The following TTBK1 variants were observed in gnomAD, a reference collection of about 807,000 sequenced individuals.
TTBK1 encodes the protein tau tubulin kinase 1, also known as tau-tubulin kinase 1.
TTBK1 carries 34 observed loss-of-function variants against 108.5 expected under a neutral mutation model. That is an observed-to-expected ratio of 0.31 (90% confidence interval 0.24 to 0.42). TTBK1 has a LOEUF of 0.42. Ranked by LOEUF, TTBK1 falls within the 10% of genes least tolerant of loss-of-function variation. The probability of loss-of-function intolerance (pLI) is 1.00; values close to 1 mark genes in which losing one functional copy is unlikely to be tolerated. For missense variants in TTBK1, 1,539 were observed against 1,826.0 expected, an observed-to-expected ratio of 0.84 and a Z score of 2.86; for synonymous variants, 809 against 795.1, an observed-to-expected ratio of 1.02 and a Z score of -0.29.
chr6:43,247,018 C>T (rs781692407), intron 2 of TTBK1, among the ~76,000 whole-genome samples: 1 of 152,154 alleles, frequency 6.6e-6, no homozygotes, highest in Non-Finnish European at 1.5e-5. Context: ...CAGGCCAAGC[C>T]CGGAACAACT....
rs925372719 is a variant in TTBK1, at chr6:43,269,578, G to C, written c.1986+6228G>C. On this transcript the variant is annotated intron_variant, in intron 13 of 14. Transcript: ENST00000259750. The surrounding 1 kb of genome is among the most constrained non-coding windows in gnomAD (Gnocchi z 4.8). ...GGGGCTGTGAGCGGTGGGTGGCCCC[G>C]GAGACGGAGCTGTCGAGTCTGTGCC... The C allele has an allele frequency of 3.4e-6, 5 of 1,490,206 alleles. No individual in the cohort carries two copies. Among genetic ancestry groups the C allele is most frequent in the Non-Finnish European group, 4.5e-6 (5 of 1,117,684 alleles). 92.3% of individuals were successfully genotyped at this position (1,490,206 alleles called of 1,614,324 possible). A position where few individuals can be genotyped will look rare whatever the true frequency, so the allele number is the denominator to read the frequency against.
intron 13 of TTBK1, among the ~76,000 whole-genome samples, chr6:43,279,027 G>T (rs1356084884): frequency 6.6e-6 from 1 of 152,164 alleles, no homozygotes; most frequent in Non-Finnish European, 1.5e-5. Flanking sequence ...AAGAGTTTTG[G>T]GTCCTGGGCC....
rs1777661945 is a variant in TTBK1 at position 43,265,821 on chromosome 6, C to T, written c.1986+2471C>T. Among the ~76,000 whole-genome samples the T allele has an allele frequency of 6.6e-6, 1 of 152,114 alleles. No homozygotes were observed. The highest frequency in any genetic ancestry group is 6.5e-5 in the Admixed American group (1 of 15,274). On this transcript the variant is annotated intron_variant, in intron 13 of 14. Coordinates refer to ENST00000259750, the MANE Select transcript of TTBK1 (RefSeq NM_032538.3). The surrounding 1 kb of genome is among the most constrained non-coding windows in gnomAD (Gnocchi z 4.1). ...TGGACCTGGCTCTGCCGTTCCCTTCCCAGTGACTGAGGGCCAGTCAGTGTC... is the reference window on the plus strand; with the variant it reads ...TGGACCTGGCTCTGCCGTTCCCTTCTCAGTGACTGAGGGCCAGTCAGTGTC...
Position 43,246,625 on chromosome 6 carries a change from G to T in TTBK1, c.-36G>T, listed in dbSNP as rs1777093401. On this transcript the variant is annotated 5_prime_UTR_variant, in exon 2 of 15. Coordinates refer to ENST00000259750, the MANE Select transcript of TTBK1 (RefSeq NM_032538.3). ...CCCCTAGGTAGATGGCCCCCTCAGG[G>T]CAGGCCCGGCGGACACCCCTCCCTC... The T allele has an allele frequency of 6.4e-7, 1 of 1,552,502 alleles. No individual in the cohort carries two copies. The highest frequency in any genetic ancestry group is 8.8e-7 in the Non-Finnish European group (1 of 1,140,366).
chr6:43,278,187 C>A (rs1187882097), intron 13 of TTBK1, among the ~76,000 whole-genome samples: 2 of 152,200 alleles, frequency 1.3e-5, no homozygotes, highest in Non-Finnish European at 2.9e-5. Flanking sequence ...TCCCCAAGGG[C>A]ATGAGAGCCC....
Position 43,269,985 on chromosome 6 carries a change from G to C in TTBK1, c.1986+6635G>C, listed in dbSNP as rs1052972435. The C allele has an allele frequency of 1.2e-5, 17 of 1,425,420 alleles. No individual in the cohort carries two copies. The highest frequency in any genetic ancestry group is 7.7e-5 in the East Asian group (3 of 38,996). 88.3% of individuals were successfully genotyped at this position (1,425,420 alleles called of 1,614,324 possible). ...CCCCCCCTCCTGGAGGGGGCAGGTG[G>C]GGGGGGGTGGGGAGCAGGCAGAGGA... On this transcript the variant is annotated intron_variant, in intron 13 of 14. Coordinates refer to ENST00000259750, the MANE Select transcript of TTBK1 (RefSeq NM_032538.3). The surrounding 1 kb of genome is among the most constrained non-coding windows in gnomAD (Gnocchi z 4.8).
chr6:43,275,896 AG>A (rs1777971125), intron 13 of TTBK1, among the ~76,000 whole-genome samples: 1 of 151,396 alleles, frequency 6.6e-6, no homozygotes, highest in Non-Finnish European at 1.5e-5. Context: ...TCCGTGGGGG[AG>A]GGGGCGGGGC....
chr6:43,279,276 T>C (rs561868134), intron 13 of TTBK1, among the ~76,000 whole-genome samples: 14 of 152,260 alleles, frequency 9.2e-5, no homozygotes, highest in African/African-American at 3.4e-4. Flanking sequence ...ATGGGGCCTT[T>C]TCAGAGAGAT....
chr6:43,279,168 A>G (rs577092430), intron 13 of TTBK1, among the ~76,000 whole-genome samples: 2 of 152,184 alleles, frequency 1.3e-5, no homozygotes, highest in East Asian at 3.9e-4. Context: ...CTCCCAGGTA[A>G]TAGGAGGGGA....
In TTBK1 at chr6:43,258,967, G is replaced by C. The variant is rs1535385; in HGVS notation, c.1017-71G>C. On this transcript the variant is annotated intron_variant, in intron 10 of 14. Coordinates refer to ENST00000259750, the MANE Select transcript of TTBK1 (RefSeq NM_032538.3). ...GGGGGTGGTCTCCAGGTCTGTGCTG[G>C]TAGGAGAGGGCCATGGAAGGAGAGG... 4,092 of 1,208,894 alleles carry C rather than the reference G, an allele frequency of 3.4e-3. 97 individuals carry two copies. In the African/African-American group the frequency reaches 0.052, roughly 15 times the overall value. 74.9% of individuals were successfully genotyped at this position (1,208,894 alleles called of 1,614,324 possible).
intron 13 of TTBK1, among the ~76,000 whole-genome samples, chr6:43,280,636 C>T (rs1778130421): frequency 6.6e-6 from 1 of 152,052 alleles, no homozygotes; most frequent in Non-Finnish European, 1.5e-5. Context: ...ATGAAGAAAC[C>T]CTCAGGGATC....
intron 1 of TTBK1, among the ~76,000 whole-genome samples, chr6:43,244,200 C>T (rs1453842044): frequency 6.6e-6 from 1 of 151,892 alleles, no homozygotes; most frequent in Admixed American, 6.6e-5. Flanking sequence ...CTGATCCTGT[C>T]GCTCCTCATC....
chr6:43,269,546 C>A lies in TTBK1; in HGVS notation c.1986+6196C>A. The A allele has an allele frequency of 7.4e-7, 1 of 1,350,766 alleles. No individual in the cohort carries two copies. The allele number at this position is 1,350,766 out of a possible 1,614,324, so 83.7% of individuals were successfully genotyped here. On this transcript the variant is annotated intron_variant, in intron 13 of 14. Coordinates refer to ENST00000259750, the MANE Select transcript of TTBK1 (RefSeq NM_032538.3). This position sits in a 1 kb window ranked among gnomAD's most constrained non-coding sequence, Gnocchi z 4.8. Reference sequence around the variant, plus strand: ...CCCGCCCACTTGCCCGGGACGCCGGCGCCGCAGGGGCTGTGAGCGGTGGGT... The same window carrying A: ...CCCGCCCACTTGCCCGGGACGCCGGAGCCGCAGGGGCTGTGAGCGGTGGGT...
At chr6:43,275,805 C>T (rs1340528562) in intron 13 of TTBK1, among the ~76,000 whole-genome samples, 1 of 151,924 alleles carries the variant, frequency 6.6e-6, no homozygotes, top group East Asian at 1.9e-4. Flanking sequence ...CACACCCCCA[C>T]CCCCGAAAAT....
chr6:43,255,166 G>A (rs762438107), intron 7 of TTBK1, 52 bp downstream of exon 7: 10 of 1,462,980 alleles, frequency 6.8e-6, no homozygotes, highest in South Asian at 2.3e-5. Flanking sequence ...GGGCAAGGTC[G>A]GGGTGCAGTG....
chr6:43,253,440 T>C lies in TTBK1; in HGVS notation c.330+76T>C. On this transcript the variant is annotated intron_variant, in intron 4 of 14. Transcript: ENST00000259750. The surrounding 1 kb of genome is among the most constrained non-coding windows in gnomAD (Gnocchi z 5.8). ...GACTCCAGGGTAGGGGAAGGGAAGGTAGACTGTGGCCCTGGGAAAGGGCAG... is the reference window on the plus strand; with the variant it reads ...GACTCCAGGGTAGGGGAAGGGAAGGCAGACTGTGGCCCTGGGAAAGGGCAG... 6.2e-7 allele frequency: 1 copy of C among 1,602,834 alleles called. No individual in the cohort carries two copies. Among genetic ancestry groups the C allele is most frequent in the Non-Finnish European group, 8.5e-7 (1 of 1,172,562 alleles).
intron 13 of TTBK1, chr6:43,272,423 G>C (rs1358835388): frequency 1.0e-6 from 1 of 985,330 alleles, no homozygotes; most frequent in Non-Finnish European, 1.2e-6. Context: ...AACGCCTTTG[G>C]AAGTGGGAGA....
chr6:43,282,152 A>G lies in TTBK1; in HGVS notation c.1987-575A>G, dbSNP rs962792855. On this transcript the variant is annotated intron_variant, in intron 13 of 14. Transcript: ENST00000259750. This position sits in a 1 kb window ranked among gnomAD's most constrained non-coding sequence, Gnocchi z 5.4. ...GACAGCCCCGCCTTTGCCCTTGTCCAGCACAGGATCTGGTGGCCCTGGGCA... is the reference window on the plus strand; with the variant it reads ...GACAGCCCCGCCTTTGCCCTTGTCCGGCACAGGATCTGGTGGCCCTGGGCA... Among the ~76,000 whole-genome samples the G allele has an allele frequency of 6.6e-6, 1 of 152,228 alleles. No individual in the cohort carries two copies. Among genetic ancestry groups the G allele is most frequent in the African/African-American group, 2.4e-5 (1 of 41,456 alleles).
At chr6:43,284,462 T>C (rs1488461783) in intron 14 of TTBK1, 150 bp downstream of exon 14, 1 of 1,353,344 alleles carries the variant, frequency 7.4e-7, no homozygotes, top group Non-Finnish European at 9.6e-7. Context: ...AACTGTGCTC[T>C]GCCTCACTCT....
Sources: allele counts gnomAD v4.1 joint callset (sites outside exome capture counted in the v4.1 genomes callset), GRCh38; gene constraint gnomAD v4.1.1; non-coding constraint Gnocchi (gnomAD v3.1); transcripts MANE v1.5; gene names NCBI Gene and HGNC (gene_info 2026-07-23, HGNC 2026-07-21).